The following CEP83 variants were observed in gnomAD, a reference collection of about 807,000 sequenced individuals.
CEP83 encodes the protein centrosomal protein 83, also known as centrosomal protein of 83 kDa.
Under a neutral mutation model 101.9 loss-of-function variants are expected in CEP83, and 70 were observed. The observed-to-expected ratio is 0.69, with a 90% CI of 0.57 to 0.84. CEP83 has a LOEUF of 0.84. Among genes scored for constraint, CEP83 ranks in the 40% least tolerant of loss-of-function variants. CEP83 has a pLI of 0.00. For synonymous variants in CEP83, 264 were observed against 267.9 expected (o/e 0.99, Z 0.14); for missense variants, 715 against 787.2 (o/e 0.91, Z 1.10).
intron 11 of CEP83, among the ~76,000 whole-genome samples, chr12:94,343,285 C>A (rs531474745): frequency 1.2e-4 from 18 of 152,018 alleles, no homozygotes; most frequent in African/African-American, 3.4e-4. Context: ...TTCTAAGACT[C>A]CTGCAAGTGC....
At chr12:94,437,935 A>C (rs2066114415) in intron 1 of CEP83, among the ~76,000 whole-genome samples, 1 of 152,176 alleles carries the variant, frequency 6.6e-6, no homozygotes, top group Admixed American at 6.5e-5. Flanking sequence ...AAAGATACAG[A>C]GGCCAGCACA....
At chr12:94,324,975 TC>T (rs1293327120) in intron 14 of CEP83, among the ~76,000 whole-genome samples, 1 of 152,178 alleles carries the variant, frequency 6.6e-6, no homozygotes, top group Non-Finnish European at 1.5e-5. Context: ...TCCCTGGGCC[TC>T]CTGTGTTCCC....
chr12:94,343,478 T>A, intron 11 of CEP83, among the ~76,000 whole-genome samples: 1 of 76,560 alleles, frequency 1.3e-5, no homozygotes, highest in East Asian at 3.3e-4. Flanking sequence ...AACTTTTTTT[T>A]TTTTTTTTTT....
At chr12:94,331,272 T>C (rs1421999432) in intron 14 of CEP83, among the ~76,000 whole-genome samples, 18 of 108,378 alleles carry the variant, frequency 1.7e-4, no homozygotes, top group Non-Finnish European at 2.2e-4. Flanking sequence ...ACCTGGGTGA[T>C]GGGAGTCAGA....
intron 2 of CEP83, chr12:94,433,955 C>T (rs2065820690): frequency 6.6e-6 from 1 of 152,190 alleles, no homozygotes; most frequent in African/African-American, 2.4e-5. Context: ...GCAAATGAAT[C>T]TTAGTAAACT....
chr12:94,380,385 A>G (rs1475933816), intron 6 of CEP83, among the ~76,000 whole-genome samples: 1 of 152,204 alleles, frequency 6.6e-6, no homozygotes, highest in Non-Finnish European at 1.5e-5. Flanking sequence ...TATTTTGCAG[A>G]GAATAAAATT....
downstream of CEP83, chr12:94,306,618 TCCCCCATCTAGGAAAGAAAA>T (rs889634118): frequency 6.6e-6 from 1 of 152,188 alleles, no homozygotes; most frequent in Non-Finnish European, 1.5e-5. Context: ...GTGCTCCAAA[TCCCCCATCTAGGAAAGAAAA>T]TTTTTTCAAG....
chr12:94,303,950 G>C (rs11107501), downstream of CEP83: 1 of 1,606,986 alleles, frequency 6.2e-7, no homozygotes, highest in African/African-American at 1.3e-5. Flanking sequence ...CGTCATTTCA[G>C]AATCTCTCAA....
intron 2 of CEP83, chr12:94,423,671 C>G: frequency 1.9e-6 from 3 of 1,571,908 alleles, no homozygotes; most frequent in East Asian, 2.4e-5. Flanking sequence ...GGTTAACCCT[C>G]TGGAATTTGG....
intron 4 of CEP83, among the ~76,000 whole-genome samples, chr12:94,406,936 A>G (rs905997616): frequency 6.6e-6 from 1 of 151,706 alleles, no homozygotes; most frequent in East Asian, 1.9e-4. Flanking sequence ...CAAAACAAAA[A>G]AAAAAAAACA....
In CEP83 at chr12:94,331,773, C is replaced by T. The variant is rs187309637; in HGVS notation, c.1634G>A (p.Arg545His). ...GTACTTTTCTTCTCTGTCTGTGATA[C>T]GCTCATGAAGCTTATGCTTTTCTTC... ...WLEEKHKLHE[R>H]ITDREEKYNQ... The change falls in exon 14 of 17, where the codon CGT (arginine) becomes CAT (histidine). Residue 545 changes from arginine to histidine, a missense_variant. Transcript: ENST00000397809. 242 of 1,612,618 alleles carry T rather than the reference C, an allele frequency of 1.5e-4. No homozygotes were observed. In the African/African-American group the frequency reaches 2.7e-3, roughly 18 times the overall value.
rs11306319 is a variant in CEP83 at position 94,313,269 on chromosome 12, C to CA, written c.1708-253dup. On this transcript the variant is annotated intron_variant, in intron 14 of 16. Coordinates refer to ENST00000397809, the MANE Select transcript of CEP83 (RefSeq NM_016122.3). ...AAAAAACTGTTATCAATAATTGCTGCAAAAAAAAAATCTACAAAGGGAAGG... is the reference window on the plus strand; with the variant it reads ...AAAAAACTGTTATCAATAATTGCTGCAAAAAAAAAAATCTACAAAGGGAAGG... 692 of 226,718 alleles carry CA rather than the reference C, an allele frequency of 3.1e-3. 2 individuals are homozygous for CA. Among genetic ancestry groups the CA allele is most frequent in the East Asian group, 7.6e-3 (74 of 9,728 alleles). 14.0% of individuals were successfully genotyped at this position (226,718 alleles called of 1,614,324 possible).
At chr12:94,454,737 A>G (rs1338516057) in intron 1 of CEP83, among the ~76,000 whole-genome samples, 1 of 152,202 alleles carries the variant, frequency 6.6e-6, no homozygotes, top group African/African-American at 2.4e-5. Context: ...GAAGGTCCGC[A>G]GCTTCACTCC....
rs2061848545 is a variant in CEP83, at chr12:94,381,523, A to T, written c.550-2481T>A. ...AGGAATAGTGACTGATTTCCTTTTCAAAAAATGATAGCACTTCAATTCCCC... is the reference window on the plus strand; with the variant it reads ...AGGAATAGTGACTGATTTCCTTTTCTAAAAATGATAGCACTTCAATTCCCC... On this transcript the variant is annotated intron_variant, in intron 6 of 16. Transcript: ENST00000397809. Among the ~76,000 whole-genome samples, 4 of 152,218 alleles carry T rather than the reference A, an allele frequency of 2.6e-5. No individual in the cohort carries two copies. The South Asian group carries it at 8.3e-4, about 32-fold the overall frequency.
intron 2 of CEP83, among the ~76,000 whole-genome samples, chr12:94,427,025 C>A (rs897718167): frequency 2.6e-5 from 4 of 152,288 alleles, no homozygotes; most frequent in Admixed American, 1.3e-4. Flanking sequence ...TAATTTGTAA[C>A]AGCAGCCACA....
chr12:94,291,078 G>C, the CEP83 span, among the ~76,000 whole-genome samples: 1 of 152,236 alleles, frequency 6.6e-6, no homozygotes, highest in African/African-American at 2.4e-5. Flanking sequence ...TCAGGGTGTG[G>C]GGGAGGGGCA....
chr12:94,340,591 C>T (rs970555459), intron 11 of CEP83, among the ~76,000 whole-genome samples: 9 of 152,134 alleles, frequency 5.9e-5, no homozygotes, highest in Admixed American at 5.2e-4. Context: ...TGGCTGCCAC[C>T]ACACCCCACT....
chr12:94,367,001 T>C (rs1310526374), intron 11 of CEP83, among the ~76,000 whole-genome samples: 1 of 152,094 alleles, frequency 6.6e-6, no homozygotes, highest in Non-Finnish European at 1.5e-5. Flanking sequence ...AAATCCATAA[T>C]GATATAAATA....
rs571948535 is a variant in CEP83, at chr12:94,427,733, T to C, written c.-102+7542A>G. On this transcript the variant is annotated intron_variant, in intron 2 of 16. Transcript: ENST00000397809. ...CTACATGCCCTCAAAGTGAATGATG[T>C]TTTTTAAAAAACAACATTAAAAGTC... Among the ~76,000 whole-genome samples the C allele has an allele frequency of 1.7e-3, 252 of 152,320 alleles. 1 individual carries two copies. The highest frequency in any genetic ancestry group is 5.6e-3 in the African/African-American group (233 of 41,576).
Sources: gnomAD v4.1 joint callset for allele counts (sites outside exome capture counted in the v4.1 genomes callset) on GRCh38, gnomAD v4.1.1 for gene constraint, MANE v1.5 for transcripts, NCBI Gene and HGNC (gene_info 2026-07-23, HGNC 2026-07-21) for gene names.